PRKAG2: variants seen among roughly 807,000 people sequenced by gnomAD.
PRKAG2 encodes protein kinase AMP-activated non-catalytic subunit gamma 2.
Under a neutral mutation model 69.6 loss-of-function variants are expected in PRKAG2, and 26 were observed. That is an observed-to-expected ratio of 0.37 (90% CI 0.27 to 0.52). The LOEUF is 0.52. Ranked by LOEUF, PRKAG2 falls within the 20% of genes least tolerant of loss-of-function variation. PRKAG2 has a pLI of 0.90. For missense variants in PRKAG2, 557 were observed against 740.0 expected, an observed-to-expected ratio of 0.75 and a Z score of 2.87; for synonymous variants, 293 against 285.0, an observed-to-expected ratio of 1.03 and a Z score of -0.28.
chr7:151,559,812 A>G (rs996274220), intron 15 of PRKAG2: 2 of 984,880 alleles, frequency 2.0e-6, no homozygotes, highest in African/African-American at 3.5e-5. Flanking sequence ...GGTTGTTCAT[A>G]TTTGACTGGG....
chr7:151,570,095 T>C (rs1162466778), intron 10 of PRKAG2, 76 bp downstream of exon 10: 6 of 1,502,800 alleles, frequency 4.0e-6, no homozygotes, highest in Non-Finnish European at 5.4e-6. Context: ...TGTTTATTTG[T>C]GTCTTTCTTT....
At chr7:151,741,416 A>G (rs6464168) in intron 3 of PRKAG2, among the ~76,000 whole-genome samples, 82,263 of 151,940 alleles carry the variant, frequency 0.54, 23,554 homozygotes, top group African/African-American at 0.73. Flanking sequence ...AGTGGCTCAC[A>G]CCTATAATCC....
At chr7:151,569,929 G>A (rs935679922) in intron 10 of PRKAG2, among the ~76,000 whole-genome samples, 3 of 152,178 alleles carry the variant, frequency 2.0e-5, no homozygotes, top group Non-Finnish European at 2.9e-5. Flanking sequence ...CAGATTGGCC[G>A]AGATCTTCGT....
intron 14 of PRKAG2, among the ~76,000 whole-genome samples, 192 bp downstream of exon 14, chr7:151,563,886 A>G (rs1805638739): frequency 1.3e-5 from 2 of 152,234 alleles, no homozygotes; most frequent in African/African-American, 4.8e-5. Context: ...AATTCAATTC[A>G]ACAAACTTTT....
intron 5 of PRKAG2, among the ~76,000 whole-genome samples, chr7:151,607,378 C>G (rs984221278): frequency 2.0e-5 from 3 of 152,124 alleles, no homozygotes; most frequent in Admixed American, 2.0e-4. Flanking sequence ...AACTCTCAGG[C>G]TCAAGCAATC....
intron 1 of PRKAG2, among the ~76,000 whole-genome samples, chr7:151,861,166 A>C (rs890642260): frequency 2.0e-5 from 3 of 152,212 alleles, no homozygotes; most frequent in African/African-American, 7.2e-5. Context: ...CCTATTGAAC[A>C]AATTTGCAAA....
At position 151,632,413 on chromosome 7, in the gene PRKAG2, C is replaced by T. The variant is rs1824854722; in HGVS notation, c.685-275G>A. On this transcript the variant is annotated intron_variant, in intron 4 of 15. Transcript: ENST00000287878. The surrounding 1 kb of genome is among the most constrained non-coding windows in gnomAD (Gnocchi z 4.2). ...CTCCCCCCCGCGCCTTGGTACGGCC[C>T]GCCCGGGAGGAAGCGTGGGAAGGGA... is the stretch of plus-strand genomic sequence containing the variant. 1 of 520,260 alleles carries T rather than the reference C, an allele frequency of 1.9e-6. No individual in the cohort carries two copies. Among genetic ancestry groups the T allele is most frequent in the Non-Finnish European group, 2.5e-6 (1 of 406,098 alleles). The allele number at this position is 520,260 out of a possible 1,614,324, so 32.2% of individuals were successfully genotyped here.
chr7:151,794,120 C>T (rs2077381750), intron 1 of PRKAG2, among the ~76,000 whole-genome samples: 1 of 152,186 alleles, frequency 6.6e-6, no homozygotes, highest in South Asian at 2.1e-4. Flanking sequence ...GGCTCCCCTT[C>T]CCCGCCCCCC....
rs539522443 is a variant in PRKAG2 at position 151,823,468 on chromosome 7, C to T, written c.115-36927G>A. On this transcript the variant is annotated intron_variant, in intron 1 of 15. Coordinates refer to ENST00000287878, the MANE Select transcript of PRKAG2 (RefSeq NM_016203.4). ...GAATTTGGCCCCATTTGTGAGTGGT[C>T]ACATGGGCCAGGCACCGTGGTGGGT... Among the ~76,000 whole-genome samples the T allele has an allele frequency of 3.4e-5, 5 of 149,022 alleles. No individual in the cohort carries two copies. The South Asian group carries it at 1.1e-3, about 34-fold the overall frequency.
In PRKAG2 at chr7:151,814,990, G is replaced by GC; in HGVS notation, c.115-28450dup. On this transcript the variant is annotated intron_variant, in intron 1 of 15. Transcript: ENST00000287878. This position sits in a 1 kb window ranked among gnomAD's most constrained non-coding sequence, Gnocchi z 4.8. ...ATGATGCAGCAGTGGACAGCTCTGG[G>GC]CTCCAGGTCCTCTGGCCAGCACAAC... The GC allele has an allele frequency of 4.5e-6, 3 of 668,118 alleles. 1 individual carries two copies. The Middle Eastern group carries it at 1.4e-3, about 311-fold the overall frequency. 41.4% of individuals were successfully genotyped at this position (668,118 alleles called of 1,614,324 possible).
chr7:151,669,728 A>ACACACACACCTGTGCACACACCTGCATG (rs1491348045), intron 4 of PRKAG2, among the ~76,000 whole-genome samples: 3 of 143,040 alleles, frequency 2.1e-5, no homozygotes, highest in Admixed American at 1.4e-4. Flanking sequence ...ACCACCACCT[A>ACACACACACCTGTGCACACACCTGCATG]CACACACACC....
intron 15 of PRKAG2, chr7:151,559,917 A>G (rs980581677): frequency 1.0e-6 from 1 of 985,172 alleles, no homozygotes; most frequent in African/African-American, 1.7e-5. Flanking sequence ...GAGTGTGTGA[A>G]ATGAGAGGAA....
At chr7:151,763,200 A>C (rs947592824) in intron 3 of PRKAG2, among the ~76,000 whole-genome samples, 1 of 152,220 alleles carries the variant, frequency 6.6e-6, no homozygotes, top group Non-Finnish European at 1.5e-5. Context: ...CCAGAATCTA[A>C]GCTGAGCCCC....
At chr7:151,875,562 GGTGTGTGTGT>G (rs55660204) in intron 1 of PRKAG2, among the ~76,000 whole-genome samples, 1,689 of 131,356 alleles carry the variant, frequency 0.013, 17 homozygotes, top group African/African-American at 0.021. Flanking sequence ...GGAGCACTCT[GGTGTGTGTGT>G]GTGTGTGTGT....
chr7:151,808,592 TG>T (rs1046822975), intron 1 of PRKAG2, among the ~76,000 whole-genome samples: 1 of 105,708 alleles, frequency 9.5e-6, no homozygotes, highest in Admixed American at 1.0e-4. Context: ...TGCAGGTTGT[TG>T]GGGGGGCTTG....
At position 151,715,322 on chromosome 7, in the gene PRKAG2, C is replaced by CAAAAAAAA. The variant is rs34971340; in HGVS notation, c.467-39693_467-39686dup. 2.8e-3 allele frequency among the ~76,000 whole-genome samples: 174 copies of CAAAAAAAA among 62,436 alleles called. 10 individuals are homozygous for CAAAAAAAA. The highest frequency in any genetic ancestry group is 8.6e-3 in the African/African-American group (120 of 14,030). 41.0% of individuals were successfully genotyped at this position (62,436 alleles called of 152,430 possible). ...TGAGCCACTGCACCTGGCCTAAAAG[C>CAAAAAAAA]AAAAAAAAAAAAAAAAAAAAAAAAA... On this transcript the variant is annotated intron_variant, in intron 3 of 15. Coordinates refer to ENST00000287878, the MANE Select transcript of PRKAG2 (RefSeq NM_016203.4).
At chr7:151,805,203 T>C (rs575597354) in intron 1 of PRKAG2, among the ~76,000 whole-genome samples, 3 of 152,280 alleles carry the variant, frequency 2.0e-5, no homozygotes, top group African/African-American at 7.2e-5. Context: ...CTGGATCTCT[T>C]GTAATGTCTG....
At chr7:151,766,389 T>C (rs2075735274) in intron 3 of PRKAG2, among the ~76,000 whole-genome samples, 1 of 152,150 alleles carries the variant, frequency 6.6e-6, no homozygotes, top group African/African-American at 2.4e-5. Context: ...CAATGGTAGG[T>C]GGGAGGTTGG....
At chr7:151,875,548 C>T (rs961528230) in intron 1 of PRKAG2, among the ~76,000 whole-genome samples, 5 of 149,410 alleles carry the variant, frequency 3.3e-5, no homozygotes, top group African/African-American at 9.8e-5. Flanking sequence ...ATAACTTTCT[C>T]TACGGAGCAC....
Sources: allele counts gnomAD v4.1 joint callset (sites outside exome capture counted in the v4.1 genomes callset), GRCh38; gene constraint gnomAD v4.1.1; non-coding constraint Gnocchi (gnomAD v3.1); transcripts MANE v1.5; gene names NCBI Gene and HGNC (gene_info 2026-07-23, HGNC 2026-07-21).